The following PDGFRA variants were observed in gnomAD, a reference collection of about 807,000 sequenced individuals.
The protein encoded by PDGFRA is platelet-derived growth factor receptor alpha.
A neutral mutation model predicts 121.5 loss-of-function variants in PDGFRA; 25 were observed. The observed-to-expected ratio is 0.21, with a 90% confidence interval of 0.15 to 0.29. PDGFRA has a LOEUF of 0.29. Among genes scored for constraint, PDGFRA ranks in the 10% least tolerant of loss-of-function variants. The probability of loss-of-function intolerance (pLI) is 1.00; values close to 1 mark genes in which losing one functional copy is unlikely to be tolerated. For synonymous variants in PDGFRA, 463 were observed against 494.8 expected (o/e 0.94, Z 0.85); for missense variants, 1,008 against 1,345.1 (o/e 0.75, Z 3.92).
At chr4:54,284,479 G>T (rs1445285027) in intron 16 of PDGFRA, among the ~76,000 whole-genome samples, 1 of 152,036 alleles carries the variant, frequency 6.6e-6, no homozygotes, top group Admixed American at 6.6e-5. Flanking sequence ...TTCTGGAGAG[G>T]CCTCAGGAAG....
rs1331545064 is a variant in PDGFRA at position 54,248,411 on chromosome 4, G to A, written c.-12-10346G>A. Reference sequence around the variant, plus strand: ...GAACAGAACCCTCAGAAATAACGCCGCATATCTACAACTATCTGATCTTTG... The same window carrying A: ...GAACAGAACCCTCAGAAATAACGCCACATATCTACAACTATCTGATCTTTG... On this transcript the variant is annotated intron_variant, in intron 1 of 22. Transcript: ENST00000257290. Among the ~76,000 whole-genome samples the A allele has an allele frequency of 1.6e-4, 25 of 152,186 alleles. 1 individual carries two copies. Among genetic ancestry groups the A allele is most frequent in the African/African-American group, 5.5e-4 (23 of 41,536 alleles).
chr4:54,276,009 A>G (rs536180225), intron 12 of PDGFRA, among the ~76,000 whole-genome samples: 2 of 152,306 alleles, frequency 1.3e-5, no homozygotes, highest in South Asian at 2.1e-4. Flanking sequence ...ATTAGAAAGT[A>G]TGGTTTAGGG....
chr4:54,239,266 C>T (rs1721169662), intron 1 of PDGFRA, among the ~76,000 whole-genome samples: 1 of 152,238 alleles, frequency 6.6e-6, no homozygotes, highest in Non-Finnish European at 1.5e-5. Flanking sequence ...GAATCTTCTA[C>T]CGCTTGTTGA....
intron 1 of PDGFRA, among the ~76,000 whole-genome samples, chr4:54,246,722 A>G (rs1721692441): frequency 6.6e-6 from 1 of 151,938 alleles, no homozygotes; most frequent in African/African-American, 2.4e-5. Context: ...AAATCAGAGC[A>G]GAACTGAAGG....
chr4:54,288,950 G>A (rs1724492786), intron 20 of PDGFRA, 52 bp downstream of exon 20: 1 of 1,520,456 alleles, frequency 6.6e-7, no homozygotes, highest in African/African-American at 1.4e-5. Flanking sequence ...GTGGGTCTAG[G>A]GGGAGGGAGG....
At chr4:54,245,346 CA>C (rs1577681463) in intron 1 of PDGFRA, among the ~76,000 whole-genome samples, 1 of 152,206 alleles carries the variant, frequency 6.6e-6, no homozygotes, top group African/African-American at 2.4e-5. Context: ...GGAAGCCCAT[CA>C]GACTAACAGT....
At chr4:54,272,038 T>G (rs1413614030) in intron 8 of PDGFRA, among the ~76,000 whole-genome samples, 1 of 119,690 alleles carries the variant, frequency 8.4e-6, no homozygotes, top group Non-Finnish European at 1.7e-5. Context: ...CCATTTTTCT[T>G]CTCACCATGT....
intron 13 of PDGFRA, 76 bp from the exon 14 acceptor site, chr4:54,277,820 C>A: frequency 1.1e-6 from 1 of 914,184 alleles, no homozygotes; most frequent in South Asian, 1.4e-5. Flanking sequence ...CAGGATTAGT[C>A]ATATTCTTGG....
At chr4:54,232,769 G>C (rs4608869) in intron 1 of PDGFRA, among the ~76,000 whole-genome samples, 37,845 of 151,928 alleles carry the variant, frequency 0.25, 5,035 homozygotes, top group Admixed American at 0.33. Context: ...ATTTTTAGTA[G>C]AGACGGGGTT....
chr4:54,277,221 G>A, intron 12 of PDGFRA, 167 bp from the exon 13 acceptor site: 1 of 685,660 alleles, frequency 1.5e-6, no homozygotes, highest in South Asian at 1.6e-5. Flanking sequence ...TTCCTTCCCT[G>A]TGGGCTCAAT....
At chr4:54,247,204 C>T (rs984900462) in intron 1 of PDGFRA, among the ~76,000 whole-genome samples, 2 of 152,184 alleles carry the variant, frequency 1.3e-5, no homozygotes, top group Non-Finnish European at 2.9e-5. Flanking sequence ...AGGGAATCCT[C>T]CCTAACTCAT....
chr4:54,242,427 T>A (rs1274732917), intron 1 of PDGFRA, among the ~76,000 whole-genome samples: 13 of 152,118 alleles, frequency 8.5e-5, no homozygotes, highest in Non-Finnish European at 1.5e-5. Flanking sequence ...AAGCCAGAGA[T>A]GTTGGCTATT....
intron 15 of PDGFRA, chr4:54,278,944 C>G (rs905403987): frequency 2.3e-6 from 1 of 438,676 alleles, no homozygotes; most frequent in Non-Finnish European, 4.6e-6. Context: ...CTGCAGAAAT[C>G]TACAAGTGGC....
intron 1 of PDGFRA, among the ~76,000 whole-genome samples, chr4:54,249,679 C>T (rs938363300): frequency 6.6e-5 from 10 of 152,016 alleles, no homozygotes; most frequent in South Asian, 2.1e-4. Context: ...AGATATACCT[C>T]GTGCTAAATG....
At chr4:54,256,557 T>TC (rs1012514307) in intron 1 of PDGFRA, among the ~76,000 whole-genome samples, 3 of 151,888 alleles carry the variant, frequency 2.0e-5, no homozygotes, top group African/African-American at 7.3e-5. Context: ...AATTTTTTTT[T>TC]TTTTTGAAAT....
At chr4:54,285,720 C>A in intron 17 of PDGFRA, 121 bp from the exon 18 acceptor site, 1 of 1,098,718 alleles carries the variant, frequency 9.1e-7, no homozygotes, top group Non-Finnish European at 1.4e-6. Flanking sequence ...GGGAGAAGGC[C>A]AGCCCTTTAT....
chr4:54,274,912 G>C lies in PDGFRA; in HGVS notation c.1725G>C (p.Val575=), dbSNP rs758928387. The change falls in exon 12 of 23, where the codon GTG becomes GTC. Residue 575 remains valine (V), a synonymous_variant. Transcript: ENST00000257290. The part of the protein sequence containing the change: ...ISPDGHEYIY[V]DPMQLPYDSR... ...CAGATGGACATGAATATATTTATGTGGACCCGATGCAGCTGCCTTATGACT... is the reference window on the plus strand; with the variant it reads ...CAGATGGACATGAATATATTTATGTCGACCCGATGCAGCTGCCTTATGACT... 2 of 1,613,790 alleles carry C rather than the reference G, an allele frequency of 1.2e-6. No individual in the cohort carries two copies. The highest frequency in any genetic ancestry group is 8.5e-7 in the Non-Finnish European group (1 of 1,179,680).
In PDGFRA at chr4:54,260,715, C is replaced by T. The variant is rs1560466241; in HGVS notation, c.50-380C>T. Among the ~76,000 whole-genome samples, 5 of 152,036 alleles carry T rather than the reference C, an allele frequency of 3.3e-5. No individual in the cohort carries two copies. The South Asian group carries it at 8.3e-4, about 25-fold the overall frequency. On this transcript the variant is annotated intron_variant, in intron 2 of 22. Coordinates refer to ENST00000257290, the MANE Select transcript of PDGFRA (RefSeq NM_006206.6). The stretch of plus-strand genomic sequence containing the variant: ...GAGCCTCTGCGCCCCAGCCTCATCT[C>T]ATTTTAACTAAAGGAAACCTTTGCA...
At chr4:54,263,520 A>C (rs1722863493) in intron 3 of PDGFRA, 147 bp from the exon 4 acceptor site, 3 of 787,350 alleles carry the variant, frequency 3.8e-6, no homozygotes, top group Admixed American at 1.9e-5. Flanking sequence ...ATGATAACTA[A>C]TGCCAGTGGG....
Sources: allele counts gnomAD v4.1 joint callset (sites outside exome capture counted in the v4.1 genomes callset), GRCh38; gene constraint gnomAD v4.1.1; transcripts MANE v1.5; gene names NCBI Gene and HGNC (gene_info 2026-07-23, HGNC 2026-07-21).